Variants in PRIMPOL observed in about 807,000 individuals in gnomAD.
PRIMPOL encodes the protein DNA-directed primase/polymerase protein.
In PRIMPOL, 54 loss-of-function variants were observed where a neutral mutation model predicts 63.6. That is an observed-to-expected ratio of 0.85 (90% confidence interval 0.68 to 1.07). The LOEUF (loss-of-function observed/expected upper bound fraction) is 1.07, where lower values mean the gene tolerates loss of function less well. PRIMPOL is among the 50% of genes least tolerant of loss of function. PRIMPOL has a pLI of 0.00. For synonymous variants in PRIMPOL, 197 were observed against 220.2 expected, an observed-to-expected ratio of 0.89 and a Z score of 0.93; for missense variants, 610 against 648.3, an observed-to-expected ratio of 0.94 and a Z score of 0.64.
rs1465447208 is a variant in PRIMPOL, at chr4:184,678,358, A to G, written c.971A>G (p.Tyr324Cys). 5.0e-6 allele frequency: 8 copies of G among 1,608,024 alleles called. No individual in the cohort carries two copies. Among genetic ancestry groups the G allele is most frequent in the South Asian group, 1.1e-5 (1 of 89,474 alleles). The change falls in exon 8 of 14, where the codon TAT (tyrosine) becomes TGT (cysteine). Residue 324 changes from tyrosine to cysteine, a missense_variant. Around this residue, in one of 3 missense-constraint regions of PRIMPOL, gnomAD observed 444 missense variants for 456.4 expected, o/e 0.97. Coordinates refer to ENST00000314970, the MANE Select transcript of PRIMPOL (RefSeq NM_152683.4). ...CAGTCAAAAGATGTTTCTGACGAAT[A>G]TCAATATTTTCTCTCTTCTTTGGTC... ...PIQSKDVSDE[Y>C]QYFLSSLVSN...
intron 11 of PRIMPOL, 97 bp downstream of exon 11, chr4:184,685,781 A>C: frequency 1.7e-6 from 1 of 596,982 alleles, no homozygotes; most frequent in South Asian, 3.8e-5. Context: ...TTTTGTTTTA[A>C]AAATAAATTT....
chr4:184,657,780 G>C (rs1746878377), intron 3 of PRIMPOL: 1 of 153,562 alleles, frequency 6.5e-6, no homozygotes. Context: ...GATCACCTGA[G>C]GTCCGGAGTT....
At chr4:184,694,245 C>A in intron 13 of PRIMPOL, 1 of 1,132,174 alleles carries the variant, frequency 8.8e-7, no homozygotes. Flanking sequence ...TAAATCCACC[C>A]TTGCTCTTCC....
intron 6 of PRIMPOL, among the ~76,000 whole-genome samples, chr4:184,667,431 C>T (rs1211859776): frequency 6.6e-6 from 1 of 152,166 alleles, no homozygotes; most frequent in African/African-American, 2.4e-5. Context: ...CTGCCTCAGC[C>T]TCCCGAGTAG....
At chr4:184,663,153 T>C (rs1748879483) in intron 5 of PRIMPOL, among the ~76,000 whole-genome samples, 1 of 151,796 alleles carries the variant, frequency 6.6e-6, no homozygotes, top group Non-Finnish European at 1.5e-5. Flanking sequence ...CAAGCAGTTC[T>C]CCTGCCTCAG....
chr4:184,674,068 C>A (rs1468479631), intron 7 of PRIMPOL, among the ~76,000 whole-genome samples: 1 of 152,144 alleles, frequency 6.6e-6, no homozygotes, highest in Non-Finnish European at 1.5e-5. Flanking sequence ...GGGAGAGCGG[C>A]AGTGGCCAGT....
At chr4:184,659,610 T>C (rs1169382655) in intron 4 of PRIMPOL, among the ~76,000 whole-genome samples, 173 bp downstream of exon 4, 1 of 152,224 alleles carries the variant, frequency 6.6e-6, no homozygotes, top group Non-Finnish European at 1.5e-5. Context: ...CTTGAGTATC[T>C]CACCAGGTGC....
intron 7 of PRIMPOL, among the ~76,000 whole-genome samples, chr4:184,673,606 G>A (rs1021343180): frequency 6.6e-6 from 1 of 151,570 alleles, no homozygotes; most frequent in Non-Finnish European, 1.5e-5. Context: ...TGTATTTTTA[G>A]TACAGACGGG....
rs1411172429 is a variant in PRIMPOL, at chr4:184,682,062, A to T, written c.1008-186A>T. On this transcript the variant is annotated intron_variant, in intron 8 of 13. Coordinates refer to ENST00000314970, the MANE Select transcript of PRIMPOL (RefSeq NM_152683.4). ...TTATTTTCTTTAATTGACAAATCATATTTTTTTTATATGTGTAGGGTTTGT... is the reference window on the plus strand; with the variant it reads ...TTATTTTCTTTAATTGACAAATCATTTTTTTTTTATATGTGTAGGGTTTGT... Among the ~76,000 whole-genome samples, 8 of 151,984 alleles carry T rather than the reference A, an allele frequency of 5.3e-5. No homozygotes were observed. The East Asian group carries it at 1.5e-3, about 29-fold the overall frequency.
Position 184,657,192 on chromosome 4 carries a change from CATT to C in PRIMPOL, c.55_57del (p.Tyr19del). The C allele has an allele frequency of 1.2e-6, 2 of 1,612,736 alleles. No individual in the cohort carries two copies. Among genetic ancestry groups the C allele is most frequent in the Non-Finnish European group, 1.7e-6 (2 of 1,179,534 alleles). On this transcript the variant is annotated inframe_deletion, in exon 3 of 14. Coordinates refer to ENST00000314970, the MANE Select transcript of PRIMPOL (RefSeq NM_152683.4). ...GAAGCAAATTGAAGAACGAGCATCT[CATT>C]ATGAGAGGAAACCGTTGTCCTCAGT... is the stretch of plus-strand genomic sequence containing the variant.
chr4:184,666,648 G>A (rs1274128705), intron 6 of PRIMPOL, among the ~76,000 whole-genome samples: 1 of 152,148 alleles, frequency 6.6e-6, no homozygotes, highest in Non-Finnish European at 1.5e-5. Flanking sequence ...ATTTATTTCA[G>A]TTTCCTGGAA....
chr4:184,671,599 A>G (rs903936333), intron 6 of PRIMPOL, among the ~76,000 whole-genome samples: 4 of 152,180 alleles, frequency 2.6e-5, no homozygotes, highest in African/African-American at 4.8e-5. Flanking sequence ...GCATTGACGC[A>G]TCTTCTCAAA....
intron 8 of PRIMPOL, among the ~76,000 whole-genome samples, chr4:184,681,400 T>C (rs554035358): frequency 1.2e-4 from 19 of 152,244 alleles, no homozygotes; most frequent in African/African-American, 4.6e-4. Context: ...TCTGCAGATA[T>C]AAAAGGATGT....
At chr4:184,664,523 T>C (rs1749275889) in intron 5 of PRIMPOL, among the ~76,000 whole-genome samples, 1 of 152,372 alleles carries the variant, frequency 6.6e-6, no homozygotes, top group Admixed American at 6.5e-5. Context: ...CCCTAAGATG[T>C]TGCCTTCTTC....
chr4:184,668,269 G>A (rs1209867720), intron 6 of PRIMPOL, among the ~76,000 whole-genome samples: 3 of 152,232 alleles, frequency 2.0e-5, no homozygotes, highest in Non-Finnish European at 4.4e-5. Context: ...TCTCCGTGAT[G>A]TGTGTATCAG....
intron 6 of PRIMPOL, among the ~76,000 whole-genome samples, chr4:184,671,275 GGGGCTGACGGCTGTGAGAGCCA>G (rs2150087445): frequency 6.6e-6 from 1 of 152,260 alleles, no homozygotes; most frequent in South Asian, 2.1e-4. Context: ...CAGCAGCCTA[GGGGCTGACGGCTGTGAGAGCCA>G]GGGTTTGCAG....
intron 9 of PRIMPOL, among the ~76,000 whole-genome samples, chr4:184,685,142 A>T (rs1469303446): frequency 6.6e-6 from 1 of 152,156 alleles, no homozygotes; most frequent in Non-Finnish European, 1.5e-5. Flanking sequence ...GACGTGAGGG[A>T]CTGCCTTTCT....
intron 13 of PRIMPOL, among the ~76,000 whole-genome samples, chr4:184,692,030 T>C (rs910615623): frequency 6.6e-6 from 1 of 152,108 alleles, no homozygotes; most frequent in African/African-American, 2.4e-5. Flanking sequence ...TCTGTATCTG[T>C]AGGATGAATT....
chr4:184,655,052 G>A (rs1274771254), intron 2 of PRIMPOL, among the ~76,000 whole-genome samples: 3 of 151,310 alleles, frequency 2.0e-5, no homozygotes, highest in African/African-American at 7.3e-5. Context: ...AGCTACTCAG[G>A]AGGCTAGAGT....
Sources: allele counts gnomAD v4.1 joint callset (sites outside exome capture counted in the v4.1 genomes callset), GRCh38; gene constraint gnomAD v4.1.1; regional missense constraint gnomAD v4.1.1; transcripts MANE v1.5; gene names NCBI Gene and HGNC (gene_info 2026-07-23, HGNC 2026-07-21).